Variants in EHMT1 observed in about 807,000 individuals in gnomAD.
EHMT1 encodes euchromatic histone lysine methyltransferase 1, also known as histone-lysine N-methyltransferase EHMT1.
A neutral mutation model predicts 147.2 loss-of-function variants in EHMT1; 15 were observed. The ratio of observed to expected loss-of-function variants is 0.10; its 90% confidence interval spans 0.07 to 0.16. EHMT1 has a LOEUF of 0.16. EHMT1 is among the 10% of genes least tolerant of loss of function. The probability of loss-of-function intolerance (pLI) is 1.00; values close to 1 mark genes in which losing one functional copy is unlikely to be tolerated. For synonymous variants in EHMT1, 795 were observed against 709.6 expected (o/e 1.12, Z -1.91); for missense variants, 1,587 against 1,772.4 (o/e 0.90, Z 1.88).
At chr9:137,656,385 CAAAAACA>C (rs997846916) in intron 1 of EHMT1, among the ~76,000 whole-genome samples, 10 of 152,002 alleles carry the variant, frequency 6.6e-5, no homozygotes, top group African/African-American at 2.4e-4. Flanking sequence ...ATCTCAAAAA[CAAAAACA>C]AAAAACAAAA....
At chr9:137,795,432 C>CCCACAT (rs1554887530) in intron 16 of EHMT1, among the ~76,000 whole-genome samples, 1 of 131,464 alleles carries the variant, frequency 7.6e-6, no homozygotes, top group Non-Finnish European at 1.7e-5. Context: ...CACACACTCT[C>CCCACAT]ACACTCACAT....
At chr9:137,640,736 T>C (rs1844423158) in intron 1 of EHMT1, among the ~76,000 whole-genome samples, 1 of 152,194 alleles carries the variant, frequency 6.6e-6, no homozygotes, top group Non-Finnish European at 1.5e-5. Flanking sequence ...CTTTTTTCCA[T>C]AGAACATGGT....
intron 18 of EHMT1, among the ~76,000 whole-genome samples, chr9:137,809,621 G>C (rs1954250380): frequency 6.6e-6 from 1 of 152,266 alleles, no homozygotes; most frequent in Non-Finnish European, 1.5e-5. Flanking sequence ...GGCGCTCCCA[G>C]ACACCAGCAG....
chr9:137,754,792 C>T (rs1211491521), intron 8 of EHMT1, among the ~76,000 whole-genome samples: 6 of 152,214 alleles, frequency 3.9e-5, no homozygotes, highest in Non-Finnish European at 8.8e-5. Context: ...GCTGGGATTA[C>T]AGGTGTGAGC....
intron 16 of EHMT1, among the ~76,000 whole-genome samples, chr9:137,795,419 ACACACACAC>A (rs1952834717): frequency 1.1e-4 from 2 of 18,730 alleles, no homozygotes; most frequent in African/African-American, 3.2e-4. Context: ...ACACACACAC[ACACACACAC>A]TCTCACACTC....
At chr9:137,834,559 G>T (rs1956467027) in intron 26 of EHMT1, 35 bp downstream of exon 26, 12 of 1,607,562 alleles carry the variant, frequency 7.5e-6, no homozygotes, top group East Asian at 2.2e-5. Context: ...CATCTCCGCT[G>T]CCGGCGGGAC....
intron 17 of EHMT1, 111 bp from the exon 18 acceptor site, chr9:137,800,769 C>A: frequency 3.4e-6 from 3 of 887,402 alleles, no homozygotes; most frequent in Non-Finnish European, 5.5e-6. Context: ...GAGACGCCTG[C>A]ACGAGGGGCA....
chr9:137,749,289 G>A (rs894271203), intron 6 of EHMT1, among the ~76,000 whole-genome samples: 1 of 152,148 alleles, frequency 6.6e-6, no homozygotes, highest in African/African-American at 2.4e-5. Context: ...ATTTGTGTGT[G>A]TGTGTGTCTT....
At chr9:137,834,740 C>A (rs372355528) in intron 26 of EHMT1, 33 bp from the exon 27 acceptor site, 5 of 1,613,160 alleles carry the variant, frequency 3.1e-6, no homozygotes, top group African/African-American at 1.3e-5. Context: ...CGGTGGGATT[C>A]GACTTGGAGC....
rs569823165 is a variant in EHMT1 at position 137,814,261 on chromosome 9, T to C, written c.3181-170T>C. On this transcript the variant is annotated intron_variant, in intron 21 of 26. Transcript: ENST00000460843. ...AGCTCCCTCCCACAGGCACTCGACA[T>C]GTTTCTGCCTGCACAGCCTTCTCCC... The C allele has an allele frequency of 6.4e-4, 468 of 726,964 alleles. 7 individuals carry two copies. In the East Asian group the frequency reaches 0.012, roughly 18 times the overall value. The allele number at this position is 726,964 out of a possible 1,614,324, so 45.0% of individuals were successfully genotyped here.
chr9:137,809,666 G>A (rs987682664), intron 18 of EHMT1, among the ~76,000 whole-genome samples: 3 of 152,262 alleles, frequency 2.0e-5, no homozygotes, highest in East Asian at 1.9e-4. Flanking sequence ...AAACGCTCAC[G>A]TGCTTTTAAT....
At chr9:137,635,737 A>T (rs555847356) in intron 1 of EHMT1, among the ~76,000 whole-genome samples, 2 of 150,536 alleles carry the variant, frequency 1.3e-5, no homozygotes, top group Admixed American at 6.6e-5. Flanking sequence ...GGAGAATGGC[A>T]TGAACCTGGG....
At chr9:137,790,753 CTCTT>C in intron 15 of EHMT1, 91 bp from the exon 16 acceptor site, 1 of 1,578,834 alleles carries the variant, frequency 6.3e-7, no homozygotes, top group Non-Finnish European at 8.7e-7. Context: ...CAGTGCAGCT[CTCTT>C]TTTTTGAGTG....
chr9:137,688,164 C>T (rs1396803392), intron 1 of EHMT1, among the ~76,000 whole-genome samples: 1 of 152,134 alleles, frequency 6.6e-6, no homozygotes, highest in African/African-American at 2.4e-5. Flanking sequence ...ACTGGGATTA[C>T]AAGCATGCGC....
At chr9:137,685,866 A>G (rs896327578) in intron 1 of EHMT1, among the ~76,000 whole-genome samples, 17 of 152,332 alleles carry the variant, frequency 1.1e-4, no homozygotes, top group Non-Finnish European at 2.2e-4. Flanking sequence ...CTGTTTGCAT[A>G]TCTTTGGAGA....
rs1286232404 is a variant in EHMT1, at chr9:137,824,879, G to T, written c.3540+6741G>T. Reference sequence around the variant, plus strand: ...ACTCACTTTTTGGACTATTAGGCTTGTCTGCACATGTGGTCACGTCATGTG... The same window carrying T: ...ACTCACTTTTTGGACTATTAGGCTTTTCTGCACATGTGGTCACGTCATGTG... On this transcript the variant is annotated intron_variant, in intron 25 of 26. Transcript: ENST00000460843. Among the ~76,000 whole-genome samples the T allele has an allele frequency of 2.6e-5, 4 of 152,166 alleles. No homozygotes were observed. The South Asian group carries it at 8.3e-4, about 31-fold the overall frequency.
chr9:137,656,086 A>G (rs537048386), intron 1 of EHMT1, among the ~76,000 whole-genome samples: 1 of 152,346 alleles, frequency 6.6e-6, no homozygotes, highest in Admixed American at 6.5e-5. Context: ...ACCATATAAA[A>G]TGTGTACATA....
At chr9:137,793,294 G>T (rs1323473699) in intron 16 of EHMT1, among the ~76,000 whole-genome samples, 1 of 152,200 alleles carries the variant, frequency 6.6e-6, no homozygotes. Context: ...GGCTTGAGTA[G>T]CCATCTCTCT....
At chr9:137,792,489 G>T (rs1430129263) in intron 16 of EHMT1, among the ~76,000 whole-genome samples, 1 of 152,198 alleles carries the variant, frequency 6.6e-6, no homozygotes, top group African/African-American at 2.4e-5. Flanking sequence ...TGGATCACCT[G>T]AGGTCAGGAA....
Sources: gnomAD v4.1 joint callset for allele counts (sites outside exome capture counted in the v4.1 genomes callset) on GRCh38, gnomAD v4.1.1 for gene constraint, MANE v1.5 for transcripts, NCBI Gene and HGNC (gene_info 2026-07-23, HGNC 2026-07-21) for gene names.